ALPK1: variants seen among roughly 807,000 people sequenced by gnomAD.
The protein encoded by ALPK1 is alpha-protein kinase 1.
Under a neutral mutation model 120.6 loss-of-function variants are expected in ALPK1, and 110 were observed. The observed-to-expected ratio is 0.91, with a 90% CI of 0.78 to 1.07. ALPK1 has a LOEUF of 1.07. ALPK1 is among the 50% of genes least tolerant of loss of function. The pLI is 0.00. For synonymous variants in ALPK1, 582 were observed against 560.3 expected (o/e 1.04, Z -0.55); for missense variants, 1,498 against 1,483.9 (o/e 1.01, Z -0.16).
chr4:112,326,556 C>G (rs527260496), intron 2 of ALPK1, among the ~76,000 whole-genome samples: 4 of 152,280 alleles, frequency 2.6e-5, no homozygotes, highest in African/African-American at 9.6e-5. Flanking sequence ...GGCAGGCTTC[C>G]ACTAACAGCT....
chr4:112,426,424 G>A (rs1380137185), intron 7 of ALPK1, 43 bp from the exon 8 acceptor site: 19 of 1,487,380 alleles, frequency 1.3e-5, no homozygotes, highest in Non-Finnish European at 1.7e-5. Flanking sequence ...GATACTAGCT[G>A]TTCCTCCCCT....
In ALPK1 at chr4:112,430,731, C is replaced by T. The variant is rs1734501916; in HGVS notation, c.1184C>T (p.Ser395Phe). 6.2e-7 allele frequency: 1 copy of T among 1,614,066 alleles called. No individual in the cohort carries two copies. Among genetic ancestry groups the T allele is most frequent in the South Asian group, 1.1e-5 (1 of 91,088 alleles). ...AMGKLYNFST[S>F]SRSQDREALS... ...GGGAAGCTGTACAATTTCAGCACTT[C>T]CTCCAGAAGTCAGGACAGAGAAGCT... The change falls in exon 11 of 16, where the codon TCC (serine) becomes TTC (phenylalanine). Residue 395 changes from serine to phenylalanine, a missense_variant. Physicochemically the swap from Ser to Phe is radical, Grantham distance 155. Coordinates refer to ENST00000650871, the MANE Select transcript of ALPK1 (RefSeq NM_025144.4).
rs760176469 is a variant in ALPK1, at chr4:112,430,821, C to G, written c.1274C>G (p.Ser425Ter). ...VKEHLQVQSF[S>*]NVDDRSYVPE... ...GAACATTTACAAGTTCAAAGCTTCT[C>G]AAATGTAGATGACAGATCTTATGTT... The change falls in exon 11 of 16, where the codon TCA becomes TGA. Residue 425 changes from serine to a stop codon, truncating the protein, a stop_gained. Transcript: ENST00000650871. LOFTEE classifies it high-confidence loss of function. 33 of 1,614,100 alleles carry G rather than the reference C, an allele frequency of 2.0e-5. 1 individual carries two copies. The South Asian group carries it at 3.6e-4, about 18-fold the overall frequency.
At chr4:112,346,031 T>C (rs1730087505) in intron 2 of ALPK1, among the ~76,000 whole-genome samples, 1 of 152,270 alleles carries the variant, frequency 6.6e-6, no homozygotes, top group African/African-American at 2.4e-5. Context: ...GCCAGGCTAA[T>C]TTTGTATTTT....
intron 12 of ALPK1, among the ~76,000 whole-genome samples, chr4:112,437,600 T>C (rs571633857): frequency 6.6e-6 from 1 of 152,312 alleles, no homozygotes; most frequent in African/African-American, 2.4e-5. Flanking sequence ...AAAGCACTGG[T>C]ATGGCATCCC....
chr4:112,345,282 A>G (rs1265151483), intron 2 of ALPK1, among the ~76,000 whole-genome samples: 1 of 152,226 alleles, frequency 6.6e-6, no homozygotes, highest in Non-Finnish European at 1.5e-5. Flanking sequence ...GCTTAAGATA[A>G]TATTAAAGTT....
chr4:112,338,966 G>T (rs1427300280), intron 2 of ALPK1, among the ~76,000 whole-genome samples: 2 of 152,204 alleles, frequency 1.3e-5, no homozygotes, highest in Non-Finnish European at 2.9e-5. Flanking sequence ...CTTCCACTGT[G>T]CTGTAAAGCC....
At chr4:112,328,352 G>C (rs1261107339) in intron 2 of ALPK1, among the ~76,000 whole-genome samples, 2 of 152,210 alleles carry the variant, frequency 1.3e-5, no homozygotes, top group Non-Finnish European at 2.9e-5. Context: ...AAATGGGGAA[G>C]GTAAATAGCT....
chr4:112,303,308 G>A (rs922981417), intron 1 of ALPK1, among the ~76,000 whole-genome samples: 1 of 152,066 alleles, frequency 6.6e-6, no homozygotes, highest in Non-Finnish European at 1.5e-5. Flanking sequence ...GTATTCCACA[G>A]GCATCTCACT....
chr4:112,415,874 A>G (rs758633215), intron 5 of ALPK1, among the ~76,000 whole-genome samples: 16 of 152,194 alleles, frequency 1.1e-4, no homozygotes, highest in Non-Finnish European at 1.5e-4. Context: ...GACTGCTTCA[A>G]TGGGGTGAAT....
At chr4:112,336,923 A>AT (rs886081869) in intron 2 of ALPK1, among the ~76,000 whole-genome samples, 1 of 151,858 alleles carries the variant, frequency 6.6e-6, no homozygotes, top group Admixed American at 6.6e-5. Context: ...TTAACTAGAA[A>AT]TTTTTTTTTT....
chr4:112,381,672 A>G lies in ALPK1; in HGVS notation c.122-726A>G, dbSNP rs566142477. ...GCAAAACATTTGAGCAATCTCACTG[A>G]GTCCTTAACCAGGACTATAAATAGC... On this transcript the variant is annotated intron_variant, in intron 3 of 15. Transcript: ENST00000650871. Among the ~76,000 whole-genome samples the G allele has an allele frequency of 7.9e-5, 12 of 152,348 alleles. No individual in the cohort carries two copies. In the East Asian group the frequency reaches 2.1e-3, roughly 27 times the overall value.
intron 1 of ALPK1, among the ~76,000 whole-genome samples, chr4:112,303,830 G>A (rs928054777): frequency 2.0e-4 from 30 of 151,774 alleles, no homozygotes; most frequent in Admixed American, 5.9e-4. Context: ...TACATGTGCT[G>A]TGTTGGTGTG....
chr4:112,425,451 CAG>C (rs1032516598), intron 6 of ALPK1: 7 of 379,964 alleles, frequency 1.8e-5, no homozygotes, highest in African/African-American at 1.5e-4. Flanking sequence ...GTAGAGTGGA[CAG>C]AGAGTAAGTA....
rs555068196 is a variant in ALPK1, at chr4:112,394,998, A to C, written c.276+12446A>C. ...TATATGTTAGGTAAATAAGGAGCTGAAATAATATTATCTCCATATATCTGA... is the reference window on the plus strand; with the variant it reads ...TATATGTTAGGTAAATAAGGAGCTGCAATAATATTATCTCCATATATCTGA... On this transcript the variant is annotated intron_variant, in intron 4 of 15. Coordinates refer to ENST00000650871, the MANE Select transcript of ALPK1 (RefSeq NM_025144.4). Among the ~76,000 whole-genome samples, 9 of 152,324 alleles carry C rather than the reference A, an allele frequency of 5.9e-5. No homozygotes were observed. The South Asian group carries it at 1.9e-3, about 32-fold the overall frequency.
At chr4:112,330,581 C>T (rs1213920797) in intron 2 of ALPK1, among the ~76,000 whole-genome samples, 8 of 152,208 alleles carry the variant, frequency 5.3e-5, no homozygotes. Flanking sequence ...GGTTCCACTC[C>T]TGCTTCTTCC....
intron 1 of ALPK1, among the ~76,000 whole-genome samples, chr4:112,314,052 G>C (rs112779071): frequency 0.012 from 1,831 of 152,300 alleles, 29 homozygotes; most frequent in African/African-American, 0.041. Context: ...AGAGGAAGAG[G>C]AGAGAAATAC....
rs1166914010 is a variant in ALPK1 at position 112,308,713 on chromosome 4, A to C, written c.-152-7088A>C. Among the ~76,000 whole-genome samples, 12 of 151,978 alleles carry C rather than the reference A, an allele frequency of 7.9e-5. No homozygotes were observed. In the South Asian group the frequency reaches 2.5e-3, roughly 32 times the overall value. ...TTCGAACTTCCTCCTTTAGCTCAGA[A>C]AAGTTTGATCGTCTGAAGCCTTCTT... is the stretch of plus-strand genomic sequence containing the variant. On this transcript the variant is annotated intron_variant, in intron 1 of 15. Transcript: ENST00000650871.
intron 4 of ALPK1, among the ~76,000 whole-genome samples, chr4:112,407,133 G>T (rs192940632): frequency 2.0e-5 from 3 of 152,292 alleles, no homozygotes; most frequent in Admixed American, 1.3e-4. Flanking sequence ...GTAGAATGGT[G>T]GTTGCCAGGA....
Sources: gnomAD v4.1 joint callset for allele counts (sites outside exome capture counted in the v4.1 genomes callset) on GRCh38, gnomAD v4.1.1 for gene constraint, MANE v1.5 for transcripts, NCBI Gene and HGNC (gene_info 2026-07-23, HGNC 2026-07-21) for gene names.